Variants in KCNQ1 observed in about 807,000 individuals in gnomAD.
The protein encoded by KCNQ1 is potassium voltage-gated channel subfamily KQT member 1.
Under a neutral mutation model 72.4 loss-of-function variants are expected in KCNQ1, and 49 were observed. The ratio of observed to expected loss-of-function variants is 0.68; its 90% CI spans 0.54 to 0.86. The LOEUF (loss-of-function observed/expected upper bound fraction) is 0.86. KCNQ1 is among the 40% of genes least tolerant of loss of function. The pLI is 0.00. For synonymous variants in KCNQ1, 450 were observed against 412.6 expected, an observed-to-expected ratio of 1.09 and a Z score of -1.10; for missense variants, 790 against 945.1, an observed-to-expected ratio of 0.84 and a Z score of 2.15.
At position 2,659,901 on chromosome 11, in the gene KCNQ1, T is replaced by C. The variant is rs573344452; in HGVS notation, c.1394-2060T>C. On this transcript the variant is annotated intron_variant, in intron 10 of 15. Transcript: ENST00000155840. The surrounding 1 kb of genome is among the most constrained non-coding windows in gnomAD (Gnocchi z 4.3). ...TTTAAAATTGGATTGTTCACTTTAT[T>C]GTCAAGTTGTAAGCATTCTTTATAT... is the stretch of plus-strand genomic sequence containing the variant. 3 of 398,500 alleles carry C rather than the reference T, an allele frequency of 7.5e-6. No homozygotes were observed. The highest frequency in any genetic ancestry group is 2.5e-4 in the South Asian group (2 of 7,858). The allele number at this position is 398,500 out of a possible 1,614,324, so 24.7% of individuals were successfully genotyped here.
chr11:2,720,665 C>T lies in KCNQ1; in HGVS notation c.1515-48179C>T, dbSNP rs771494560. 5.3e-5 allele frequency among the ~76,000 whole-genome samples: 8 copies of T among 152,134 alleles called. No individual in the cohort carries two copies. The highest frequency in any genetic ancestry group is 7.4e-5 in the Non-Finnish European group (5 of 68,014). ...AGGGGAGCCTCCTTGGCCACTGAAACGGAAACAGCATTAGCCACCACCAGC... is the reference window on the plus strand; with the variant it reads ...AGGGGAGCCTCCTTGGCCACTGAAATGGAAACAGCATTAGCCACCACCAGC... On this transcript the variant is annotated intron_variant, in intron 11 of 15. Coordinates refer to ENST00000155840, the MANE Select transcript of KCNQ1 (RefSeq NM_000218.3). The surrounding 1 kb of genome is among the most constrained non-coding windows in gnomAD (Gnocchi z 5.1).
In KCNQ1 at chr11:2,677,714, A is replaced by C. The variant is rs1850318356; in HGVS notation, c.1514+15633A>C. 1 of 398,466 alleles carries C rather than the reference A, an allele frequency of 2.5e-6. No homozygotes were observed. The highest frequency in any genetic ancestry group is 2.1e-5 in the African/African-American group (1 of 48,632). 24.7% of individuals were successfully genotyped at this position (398,466 alleles called of 1,614,324 possible). ...TTTTTCAAATTAACTTCCCAATCAA[A>C]TATCTCTATTGTAAAATTTTGGTCT... On this transcript the variant is annotated intron_variant, in intron 11 of 15. Transcript: ENST00000155840. The surrounding 1 kb of genome is among the most constrained non-coding windows in gnomAD (Gnocchi z 4.5).
rs950749399 is a variant in KCNQ1 at position 2,764,476 on chromosome 11, A to G, written c.1515-4368A>G. ...GGTTAGGATATTTGCACGTATGTTC[A>G]CGAGAGAGATTAACCTGTGATTTTT... On this transcript the variant is annotated intron_variant, in intron 11 of 15. Coordinates refer to ENST00000155840, the MANE Select transcript of KCNQ1 (RefSeq NM_000218.3). This position sits in a 1 kb window ranked among gnomAD's most constrained non-coding sequence, Gnocchi z 4.8. 6.6e-6 allele frequency among the ~76,000 whole-genome samples: 1 copy of G among 152,170 alleles called. No homozygotes were observed. Among genetic ancestry groups the G allele is most frequent in the Non-Finnish European group, 1.5e-5 (1 of 68,024 alleles).
At chr11:2,754,217 A>G (rs1428846839) in intron 11 of KCNQ1, among the ~76,000 whole-genome samples, 1 of 152,218 alleles carries the variant, frequency 6.6e-6, no homozygotes, top group African/African-American at 2.4e-5. Flanking sequence ...CATGCCATGT[A>G]TCTGGAGGAG....
In KCNQ1 at chr11:2,664,973, C is replaced by A. The variant is rs1850037963; in HGVS notation, c.1514+2892C>A. On this transcript the variant is annotated intron_variant, in intron 11 of 15. Coordinates refer to ENST00000155840, the MANE Select transcript of KCNQ1 (RefSeq NM_000218.3). This position sits in a 1 kb window ranked among gnomAD's most constrained non-coding sequence, Gnocchi z 5.1. ...CTATAGCCTTGATTACGGGAAGGTC[C>A]CTGGGGCTGGGCGAAGCTCCTCTTT... The A allele has an allele frequency of 2.5e-6, 1 of 398,466 alleles. No individual in the cohort carries two copies. Among genetic ancestry groups the A allele is most frequent in the Non-Finnish European group, 4.4e-6 (1 of 226,114 alleles). 24.7% of individuals were successfully genotyped at this position (398,466 alleles called of 1,614,324 possible).
In KCNQ1 at chr11:2,702,883, C is replaced by G. The variant is rs74046876; in HGVS notation, c.1514+40802C>G. Among the ~76,000 whole-genome samples, 1,412 of 152,308 alleles carry G rather than the reference C, an allele frequency of 9.3e-3. 20 individuals carry two copies. Among genetic ancestry groups the G allele is most frequent in the African/African-American group, 0.032 (1,350 of 41,568 alleles). On this transcript the variant is annotated intron_variant, in intron 11 of 15. Coordinates refer to ENST00000155840, the MANE Select transcript of KCNQ1 (RefSeq NM_000218.3). Reference sequence around the variant, plus strand: ...CTATGTCCTCTGCTCCTCACCCCCTCGCCACACACGGGGTGCCGTCAATCA... The same window carrying G: ...CTATGTCCTCTGCTCCTCACCCCCTGGCCACACACGGGGTGCCGTCAATCA...
Position 2,683,276 on chromosome 11 carries a change from G to A in KCNQ1, c.1514+21195G>A, listed in dbSNP as rs1369030426. On this transcript the variant is annotated intron_variant, in intron 11 of 15. Transcript: ENST00000155840. This position sits in a 1 kb window ranked among gnomAD's most constrained non-coding sequence, Gnocchi z 4.7. ...TCCAGAACCTGTCAGCCTGAGTATGGGCAATGGCGTTTTAGTTTGCAAAAC... is the reference window on the plus strand; with the variant it reads ...TCCAGAACCTGTCAGCCTGAGTATGAGCAATGGCGTTTTAGTTTGCAAAAC... The A allele has an allele frequency of 2.5e-6, 1 of 398,416 alleles. No homozygotes were observed. Among genetic ancestry groups the A allele is most frequent in the East Asian group, 3.6e-5 (1 of 28,074 alleles). 24.7% of individuals were successfully genotyped at this position (398,416 alleles called of 1,614,324 possible). A position where few individuals can be genotyped will look rare whatever the true frequency, so the allele number is the denominator to read the frequency against.
In KCNQ1 at chr11:2,571,338, C is replaced by G; in HGVS notation, c.618C>G (p.Val206=). The stretch of plus-strand genomic sequence containing the variant: ...TGCACTCCACAGACCTCATCGTGGT[C>G]GTGGCCTCCATGGTGGTCCTCTGCG... ...KPISIIDLIV[V]VASMVVLCVG... Residue 206 remains valine (V), a synonymous_variant, in exon 4 of 16, where the codon GTC becomes GTG. Coordinates refer to ENST00000155840, the MANE Select transcript of KCNQ1 (RefSeq NM_000218.3). 2 of 1,613,248 alleles carry G rather than the reference C, an allele frequency of 1.2e-6. No homozygotes were observed. Among genetic ancestry groups the G allele is most frequent in the Non-Finnish European group, 8.5e-7 (1 of 1,179,918 alleles).
chr11:2,802,398 C>T (rs376721825), intron 15 of KCNQ1, among the ~76,000 whole-genome samples: 6 of 152,268 alleles, frequency 3.9e-5, no homozygotes, highest in South Asian at 2.1e-4. Context: ...ACTGAGGCAG[C>T]GGGGAGCCTG....
At position 2,495,640 on chromosome 11, in the gene KCNQ1, T is replaced by G. The variant is rs59348034; in HGVS notation, c.387-32288T>G. Among the ~76,000 whole-genome samples the G allele has an allele frequency of 2.7e-3, 415 of 152,352 alleles. 3 individuals are homozygous for G. Among genetic ancestry groups the G allele is most frequent in the African/African-American group, 9.5e-3 (393 of 41,586 alleles). ...AGGTTGTTCAATTTCCATGTATCTG[T>G]GTGGTTTTTAGTGAGTTTCTTCATC... On this transcript the variant is annotated intron_variant, in intron 1 of 15. Coordinates refer to ENST00000155840, the MANE Select transcript of KCNQ1 (RefSeq NM_000218.3). The surrounding 1 kb of genome is among the most constrained non-coding windows in gnomAD (Gnocchi z 4.6).
In KCNQ1 at chr11:2,677,742, G is replaced by A. The variant is rs1021292244; in HGVS notation, c.1514+15661G>A. 43 of 398,254 alleles carry A rather than the reference G, an allele frequency of 1.1e-4. No homozygotes were observed. The highest frequency in any genetic ancestry group is 3.5e-4 in the African/African-American group (17 of 48,646). 24.7% of individuals were successfully genotyped at this position (398,254 alleles called of 1,614,324 possible). A position where few individuals can be genotyped will look rare whatever the true frequency, so the allele number is the denominator to read the frequency against. On this transcript the variant is annotated intron_variant, in intron 11 of 15. Coordinates refer to ENST00000155840, the MANE Select transcript of KCNQ1 (RefSeq NM_000218.3). The surrounding 1 kb of genome is among the most constrained non-coding windows in gnomAD (Gnocchi z 4.5). The stretch of plus-strand genomic sequence containing the variant: ...TCTCTATTGTAAAATTTTGGTCTCC[G>A]TTTTCAGTGGATTTACTTTAAGAGA...
chr11:2,615,779 G>A (rs1849051458), intron 10 of KCNQ1: 3 of 397,664 alleles, frequency 7.5e-6, no homozygotes, highest in Non-Finnish European at 1.3e-5. Context: ...GCTGAATTTG[G>A]CTTACTAGTA....
At chr11:2,561,094 C>T (rs1348469760) in intron 2 of KCNQ1, among the ~76,000 whole-genome samples, 2 of 149,990 alleles carry the variant, frequency 1.3e-5, no homozygotes, top group African/African-American at 2.5e-5. Context: ...CCCAGCTACT[C>T]GGGAGGCTGA....
At position 2,450,816 on chromosome 11, in the gene KCNQ1, G is replaced by A. The variant is rs1251404215; in HGVS notation, c.386+5332G>A. On this transcript the variant is annotated intron_variant, in intron 1 of 15. Coordinates refer to ENST00000155840, the MANE Select transcript of KCNQ1 (RefSeq NM_000218.3). This position sits in a 1 kb window ranked among gnomAD's most constrained non-coding sequence, Gnocchi z 7.9. Reference sequence around the variant, plus strand: ...CCGCGTGACCCTAGTCCAGGGGGCCGCTTTTACACGAGGCATCTGACCATG... The same window carrying A: ...CCGCGTGACCCTAGTCCAGGGGGCCACTTTTACACGAGGCATCTGACCATG... Among the ~76,000 whole-genome samples, 8 of 152,170 alleles carry A rather than the reference G, an allele frequency of 5.3e-5. No individual in the cohort carries two copies. Among genetic ancestry groups the A allele is most frequent in the Non-Finnish European group, 8.8e-5 (6 of 68,032 alleles).
Position 2,446,121 on chromosome 11 carries a change from C to T in KCNQ1, c.386+637C>T. 6.6e-6 allele frequency among the ~76,000 whole-genome samples: 1 copy of T among 152,224 alleles called. No homozygotes were observed. The highest frequency in any genetic ancestry group is 1.9e-4 in the East Asian group (1 of 5,194). ...CAGCTCTCACTAAGAGGCAGCTGTG[C>T]TCCCGGAGAAAGCAGCGCTGGTAGC... On this transcript the variant is annotated intron_variant, in intron 1 of 15. Transcript: ENST00000155840. This position sits in a 1 kb window ranked among gnomAD's most constrained non-coding sequence, Gnocchi z 8.8.
In KCNQ1 at chr11:2,762,746, T is replaced by G. The variant is rs774189226; in HGVS notation, c.1515-6098T>G. Among the ~76,000 whole-genome samples, 7 of 152,220 alleles carry G rather than the reference T, an allele frequency of 4.6e-5. No individual in the cohort carries two copies. The highest frequency in any genetic ancestry group is 2.1e-4 in the South Asian group (1 of 4,834). Reference sequence around the variant, plus strand: ...AGGGGTCTAGGCTGTGTACTCCTTATGAGAATCTAATGCCTGCTGGTCTGA... The same window carrying G: ...AGGGGTCTAGGCTGTGTACTCCTTAGGAGAATCTAATGCCTGCTGGTCTGA... On this transcript the variant is annotated intron_variant, in intron 11 of 15. Coordinates refer to ENST00000155840, the MANE Select transcript of KCNQ1 (RefSeq NM_000218.3). This position sits in a 1 kb window ranked among gnomAD's most constrained non-coding sequence, Gnocchi z 4.3.
At position 2,651,591 on chromosome 11, in the gene KCNQ1, C is replaced by T. The variant is rs231349; in HGVS notation, c.1394-10370C>T. On this transcript the variant is annotated intron_variant, in intron 10 of 15. Coordinates refer to ENST00000155840, the MANE Select transcript of KCNQ1 (RefSeq NM_000218.3). The surrounding 1 kb of genome is among the most constrained non-coding windows in gnomAD (Gnocchi z 6.1). Reference sequence around the variant, plus strand: ...ACCTCCATGTCTCCAGTGCCTGCCACATAGCAGGTCCTCCAAGATTTGCTG... The same window carrying T: ...ACCTCCATGTCTCCAGTGCCTGCCATATAGCAGGTCCTCCAAGATTTGCTG... 0.11 allele frequency: 42,435 copies of T among 398,602 alleles called. 2,403 individuals carry two copies. The highest frequency in any genetic ancestry group is 0.15 in the Middle Eastern group (243 of 1,590). 24.7% of individuals were successfully genotyped at this position (398,602 alleles called of 1,614,324 possible). A position where few individuals can be genotyped will look rare whatever the true frequency, so the allele number is the denominator to read the frequency against.
At chr11:2,618,873 T>G (rs1849116423) in intron 10 of KCNQ1, 1 of 398,210 alleles carries the variant, frequency 2.5e-6, no homozygotes, top group Non-Finnish European at 4.4e-6. Context: ...GATTCATAGT[T>G]TTCAGTGTAC....
At position 2,764,051 on chromosome 11, in the gene KCNQ1, A is replaced by G. The variant is rs1846454323; in HGVS notation, c.1515-4793A>G. The stretch of plus-strand genomic sequence containing the variant: ...TTATCTCCCTTTTCCTACCTTTTTA[A>G]CATACCAGCTGGGACTTTCTGGACA... On this transcript the variant is annotated intron_variant, in intron 11 of 15. Coordinates refer to ENST00000155840, the MANE Select transcript of KCNQ1 (RefSeq NM_000218.3). The surrounding 1 kb of genome is among the most constrained non-coding windows in gnomAD (Gnocchi z 4.8). Among the ~76,000 whole-genome samples, 1 of 152,092 alleles carries G rather than the reference A, an allele frequency of 6.6e-6. No individual in the cohort carries two copies.
Sources: allele counts gnomAD v4.1 joint callset (sites outside exome capture counted in the v4.1 genomes callset), GRCh38; gene constraint gnomAD v4.1.1; non-coding constraint Gnocchi (gnomAD v3.1); transcripts MANE v1.5; gene names NCBI Gene and HGNC (gene_info 2026-07-23, HGNC 2026-07-21).